The following CCDC9 variants were observed in gnomAD, a reference collection of about 807,000 sequenced individuals.
CCDC9 encodes the protein coiled-coil domain containing 9.
CCDC9 carries 52 observed loss-of-function variants against 65.6 expected under a neutral mutation model. That is an observed-to-expected ratio of 0.79 (90% CI 0.63 to 1.00). CCDC9 has a LOEUF of 1.00. Ranked by LOEUF, CCDC9 falls within the 50% of genes least tolerant of loss-of-function variation. The probability of loss-of-function intolerance (pLI) is 0.00; values close to 1 mark genes in which losing one functional copy is unlikely to be tolerated. For synonymous variants in CCDC9, 332 were observed against 280.3 expected (o/e 1.18, Z -1.84); for missense variants, 834 against 757.2 (o/e 1.10, Z -1.19).
intron 3 of CCDC9, among the ~76,000 whole-genome samples, chr19:47,259,142 A>T (rs1490305955): frequency 6.6e-6 from 1 of 152,198 alleles, no homozygotes; most frequent in African/African-American, 2.4e-5. Flanking sequence ...CGAGGGGAAC[A>T]TGTTTCAGGC....
downstream of CCDC9, among the ~76,000 whole-genome samples, chr19:47,272,956 TAGC>T (rs928925060): frequency 4.7e-5 from 7 of 147,692 alleles, no homozygotes; most frequent in South Asian, 1.1e-3. Flanking sequence ...CTGGTTAGAA[TAGC>T]AGGCGTTGGC....
chr19:47,274,953 G>C (rs954626001), downstream of CCDC9: 12 of 1,374,200 alleles, frequency 8.7e-6, no homozygotes, highest in Non-Finnish European at 1.1e-5. Flanking sequence ...CGGCGGCGCC[G>C]AGAGCCCCGG....
chr19:47,271,298 C>T lies in CCDC9; in HGVS notation c.1216C>T (p.His406Tyr), dbSNP rs750347395. 1.2e-6 allele frequency: 2 copies of T among 1,612,650 alleles called. No individual in the cohort carries two copies. Among genetic ancestry groups the T allele is most frequent in the Non-Finnish European group, 1.7e-6 (2 of 1,179,338 alleles). The stretch of plus-strand genomic sequence containing the variant: ...GCCACCCGAGATCCCAGCTCCTGCC[C>T]ACCGGCCTCCTGAAGACGAGGGGGA... ...MQPPEIPAPA[H>Y]RPPEDEGEEN... Residue 406 changes from histidine (H) to tyrosine (Y), a missense_variant, in exon 12 of 12, where the codon CAC (histidine) becomes TAC (tyrosine). Physicochemically the swap from His to Tyr is moderately conservative, Grantham distance 83. Coordinates refer to ENST00000221922, the MANE Select transcript of CCDC9 (RefSeq NM_015603.3).
intron 3 of CCDC9, 45 bp downstream of exon 3, chr19:47,258,708 G>T: frequency 6.9e-7 from 1 of 1,453,368 alleles, no homozygotes. Context: ...TCTCTTCCCC[G>T]CAGTGAGTTT....
chr19:47,270,282 A>G, intron 8 of CCDC9, 125 bp from the exon 9 acceptor site: 2 of 887,796 alleles, frequency 2.3e-6, no homozygotes, highest in Admixed American at 2.1e-5. Flanking sequence ...TCCTACTTCT[A>G]GTGTCCCCTG....
chr19:47,264,600 C>T lies in CCDC9; in HGVS notation c.463-3C>T, dbSNP rs74541218. 2,584 of 1,592,162 alleles carry T rather than the reference C, an allele frequency of 1.6e-3. 15 individuals are homozygous for T. The Middle Eastern group carries it at 0.023, about 14-fold the overall frequency. ...CTGGGTGTCCCTATCTTTATCCCCC[C>T]AGGAGTGGGAGGAGCGGCGCAGGCA... On this transcript the variant is annotated splice_polypyrimidine_tract_variant and splice_region_variant and intron_variant, in intron 5 of 11. Coordinates refer to ENST00000221922, the MANE Select transcript of CCDC9 (RefSeq NM_015603.3).
intron 7 of CCDC9, chr19:47,266,369 G>C (rs2059082431): frequency 2.1e-6 from 1 of 466,770 alleles, no homozygotes; most frequent in Non-Finnish European, 3.7e-6. Flanking sequence ...TGAAAATATA[G>C]TGAGATGTGA....
At chr19:47,269,580 C>T (rs960957467) in intron 8 of CCDC9, among the ~76,000 whole-genome samples, 8 of 152,100 alleles carry the variant, frequency 5.3e-5, no homozygotes, top group African/African-American at 1.9e-4. Flanking sequence ...CTCAGGTGAT[C>T]CGCCCACCTG....
chr19:47,270,346 T>G, intron 8 of CCDC9, 61 bp from the exon 9 acceptor site: 6 of 1,546,968 alleles, frequency 3.9e-6, no homozygotes, highest in Non-Finnish European at 5.3e-6. Flanking sequence ...TCTCCCATCT[T>G]CTTGATCCTC....
chr19:47,271,558 A>G lies in CCDC9; in HGVS notation c.1476A>G (p.Pro492=). Residue 492 remains proline, a synonymous_variant, in exon 12 of 12, where the codon CCA becomes CCG. Coordinates refer to ENST00000221922, the MANE Select transcript of CCDC9 (RefSeq NM_015603.3). ...GCACGCCTTCCAGCCCTTTCTCACC[A>G]CCCAGCGGCCACCAGCCTGTGTCCG... ...APGTPSSPFS[P]PSGHQPVSDW... 6.2e-7 allele frequency: 1 copy of G among 1,612,616 alleles called. No homozygotes were observed. Among genetic ancestry groups the G allele is most frequent in the Non-Finnish European group, 8.5e-7 (1 of 1,179,808 alleles).
At position 47,271,493 on chromosome 19, in the gene CCDC9, T is replaced by C; in HGVS notation, c.1411T>C (p.Phe471Leu). ...PCSEQAHGVPFSPEEPLLEPQ... is the reference protein window; with the variant it reads ...PCSEQAHGVPLSPEEPLLEPQ... ...CAGTGAGCAGGCCCACGGAGTCCCC[T>C]TCAGTCCGGAGGAGCCCCTGCTGGA... Residue 471 changes from phenylalanine to leucine, a missense_variant, in exon 12 of 12, where the codon TTC (phenylalanine) becomes CTC (leucine). Coordinates refer to ENST00000221922, the MANE Select transcript of CCDC9 (RefSeq NM_015603.3). 6.2e-7 allele frequency: 1 copy of C among 1,612,860 alleles called. No homozygotes were observed. Among genetic ancestry groups the C allele is most frequent in the South Asian group, 1.1e-5 (1 of 91,018 alleles).
chr19:47,263,204 C>T (rs935235584), intron 5 of CCDC9, among the ~76,000 whole-genome samples: 1 of 152,122 alleles, frequency 6.6e-6, no homozygotes, highest in Admixed American at 6.6e-5. Flanking sequence ...CAAGTAATTA[C>T]TGTTATTACC....
Position 47,271,445 on chromosome 19 carries a change from G to T in CCDC9, c.1363G>T (p.Ala455Ser), listed in dbSNP as rs780655129. ...AGCCCAAGACCACCAAGCCCCAGAG[G>T]CTGCCCCCACCGGGATCCCCTGCAG... ...EPAQDHQAPE[A>S]APTGIPCSEQ... The change falls in exon 12 of 12, where the codon GCT becomes TCT. Residue 455 changes from alanine (A) to serine (S), a missense_variant. By Grantham distance (99) the Ala-to-Ser change is moderately conservative. Coordinates refer to ENST00000221922, the MANE Select transcript of CCDC9 (RefSeq NM_015603.3). 1.2e-6 allele frequency: 2 copies of T among 1,613,702 alleles called. No homozygotes were observed. The highest frequency in any genetic ancestry group is 1.7e-5 in the Admixed American group (1 of 60,008).
chr19:47,259,204 A>G (rs754150046), intron 3 of CCDC9, among the ~76,000 whole-genome samples: 2 of 152,166 alleles, frequency 1.3e-5, no homozygotes, highest in Non-Finnish European at 2.9e-5. Flanking sequence ...TTGGAGCTTC[A>G]AGTTGGAGGG....
chr19:47,274,671 TAAGCGCGGGGGCGGGGCTG>T (rs1217592185), downstream of CCDC9: 49 of 173,146 alleles, frequency 2.8e-4, no homozygotes, highest in South Asian at 5.9e-3. Context: ...GTGGTGGGGC[TAAGCGCGGGGGCGGGGCTG>T]GAGCGAGGGG....
intron 5 of CCDC9, among the ~76,000 whole-genome samples, chr19:47,263,647 C>T (rs1443862626): frequency 2.0e-5 from 3 of 152,008 alleles, no homozygotes; most frequent in Non-Finnish European, 4.4e-5. Flanking sequence ...CTCACTGCAA[C>T]CTCCGCCTTT....
chr19:47,272,799 C>T (rs1177994175), downstream of CCDC9, among the ~76,000 whole-genome samples: 3 of 152,108 alleles, frequency 2.0e-5, no homozygotes, highest in Non-Finnish European at 2.9e-5. Flanking sequence ...CATGCGTACC[C>T]GATCAGCATT....
chr19:47,265,906 T>G (rs2059078547), intron 7 of CCDC9, among the ~76,000 whole-genome samples: 1 of 150,920 alleles, frequency 6.6e-6, no homozygotes, highest in Non-Finnish European at 1.5e-5. Flanking sequence ...CAGGATGGTC[T>G]CTATCTCCTG....
chr19:47,275,496 A>G, downstream of CCDC9: 1 of 1,154,932 alleles, frequency 8.7e-7, no homozygotes. Context: ...ATGGGGGCCC[A>G]GGGGGTGTCA....
Sources: gnomAD v4.1 joint callset for allele counts (sites outside exome capture counted in the v4.1 genomes callset) on GRCh38, gnomAD v4.1.1 for gene constraint, MANE v1.5 for transcripts, NCBI Gene and HGNC (gene_info 2026-07-23, HGNC 2026-07-21) for gene names.